Variants in PLD1 observed in about 807,000 individuals in gnomAD.
PLD1 encodes the protein phospholipase D1, also known as choline phosphatase 1.
In PLD1, 112 loss-of-function variants were observed where a neutral mutation model predicts 137.1. The observed-to-expected ratio is 0.82, with a 90% CI of 0.70 to 0.96. The LOEUF is 0.96. Ranked by LOEUF, PLD1 falls within the 40% of genes least tolerant of loss-of-function variation. The pLI is 0.00. For missense variants in PLD1, 1,321 were observed against 1,342.0 expected (o/e 0.98, Z 0.24); for synonymous variants, 431 against 454.7 (o/e 0.95, Z 0.66).
chr3:171,604,476 C>A (rs1398794947), intron 26 of PLD1, among the ~76,000 whole-genome samples: 1 of 151,814 alleles, frequency 6.6e-6, no homozygotes, highest in East Asian at 1.9e-4. Context: ...ACGTCTGTCC[C>A]TGGAAGTCAT....
chr3:171,806,246 G>C (rs115994463), intron 1 of PLD1, among the ~76,000 whole-genome samples: 27 of 151,782 alleles, frequency 1.8e-4, no homozygotes, highest in African/African-American at 6.5e-4. Flanking sequence ...TTTCACAACA[G>C]AAAAAAAACA....
intron 21 of PLD1, among the ~76,000 whole-genome samples, chr3:171,652,483 A>G (rs1736865123): frequency 6.6e-6 from 1 of 151,882 alleles, no homozygotes; most frequent in Admixed American, 6.6e-5. Context: ...CAAGCCCAAC[A>G]TGTCTTTTCA....
intron 11 of PLD1, 47 bp downstream of exon 11, chr3:171,708,708 T>G: frequency 1.0e-6 from 1 of 983,632 alleles, no homozygotes; most frequent in Non-Finnish European, 1.7e-6. Flanking sequence ...TGTACATTTC[T>G]AAACATAGAG....
chr3:171,800,530 A>G (rs1330329057), intron 1 of PLD1, among the ~76,000 whole-genome samples: 5 of 152,166 alleles, frequency 3.3e-5, no homozygotes, highest in Admixed American at 2.6e-4. Flanking sequence ...TTTAAAAGGC[A>G]AATATACAAT....
chr3:171,686,566 G>A (rs549126580), intron 16 of PLD1, 119 bp downstream of exon 16: 30 of 657,458 alleles, frequency 4.6e-5, no homozygotes, highest in Middle Eastern at 2.6e-4. Flanking sequence ...AATAATATAC[G>A]TAGCATAAAA....
intron 23 of PLD1, among the ~76,000 whole-genome samples, chr3:171,629,369 A>G (rs1488257415): frequency 6.6e-6 from 1 of 152,236 alleles, no homozygotes; most frequent in African/African-American, 2.4e-5. Context: ...AAGAGGATAC[A>G]AAGAAATGGA....
intron 1 of PLD1, chr3:171,788,622 A>G (rs1401487258): frequency 6.6e-6 from 1 of 152,224 alleles, no homozygotes; most frequent in Admixed American, 6.5e-5. Flanking sequence ...GAATTGTTTA[A>G]AAACTTTTCA....
At chr3:171,691,396 T>C (rs1358698932) in intron 13 of PLD1, among the ~76,000 whole-genome samples, 1 of 150,514 alleles carries the variant, frequency 6.6e-6, no homozygotes, top group African/African-American at 2.4e-5. Flanking sequence ...ATTTCCTGCA[T>C]TACTGTCTTG....
intron 1 of PLD1, among the ~76,000 whole-genome samples, chr3:171,755,713 T>C (rs1720977280): frequency 6.6e-6 from 1 of 152,180 alleles, no homozygotes; most frequent in Admixed American, 6.5e-5. Context: ...CCTAAAAGAC[T>C]GGGAGCTCCC....
chr3:171,659,714 C>CT (rs1223574185), intron 20 of PLD1, among the ~76,000 whole-genome samples: 11 of 152,226 alleles, frequency 7.2e-5, no homozygotes, highest in African/African-American at 1.4e-4. Context: ...GCTAAGCTTG[C>CT]TTTTTTAACA....
intron 1 of PLD1, among the ~76,000 whole-genome samples, chr3:171,766,550 C>G (rs1218923948): frequency 6.6e-6 from 1 of 152,140 alleles, no homozygotes; most frequent in African/African-American, 2.4e-5. Context: ...TATCTATCAT[C>G]ACCATTTCCT....
intron 1 of PLD1, among the ~76,000 whole-genome samples, chr3:171,746,861 A>T (rs6445025): frequency 2.6e-5 from 4 of 152,096 alleles, no homozygotes; most frequent in African/African-American, 9.7e-5. Context: ...ACTGGCAACC[A>T]GCTGGGGCCC....
At chr3:171,625,071 A>C (rs1320467629) in intron 23 of PLD1, among the ~76,000 whole-genome samples, 1 of 152,002 alleles carries the variant, frequency 6.6e-6, no homozygotes, top group Non-Finnish European at 1.5e-5. Flanking sequence ...TAAAAAAAAA[A>C]CAAAACCCTG....
chr3:171,689,503 C>T (rs986128707), intron 13 of PLD1, among the ~76,000 whole-genome samples: 11 of 150,950 alleles, frequency 7.3e-5, no homozygotes, highest in Non-Finnish European at 1.5e-4. Flanking sequence ...TCCTTCCTTC[C>T]TTCCTTCCTT....
chr3:171,746,721 T>C (rs905723908), intron 1 of PLD1, among the ~76,000 whole-genome samples: 1 of 152,198 alleles, frequency 6.6e-6, no homozygotes, highest in African/African-American at 2.4e-5. Flanking sequence ...AATGCACCAA[T>C]CAGCACCCTG....
At chr3:171,709,978 TAAAG>T (rs1717016872) in intron 9 of PLD1, among the ~76,000 whole-genome samples, 1 of 152,216 alleles carries the variant, frequency 6.6e-6, no homozygotes, top group African/African-American at 2.4e-5. Flanking sequence ...ATGAGGAGGA[TAAAG>T]AAAGAGGGGT....
intron 1 of PLD1, among the ~76,000 whole-genome samples, chr3:171,766,667 T>C (rs2108322289): frequency 1.3e-5 from 2 of 152,326 alleles, no homozygotes; most frequent in East Asian, 3.9e-4. Context: ...TAAATAATGC[T>C]TCAATTAACA....
intron 23 of PLD1, among the ~76,000 whole-genome samples, chr3:171,640,893 C>CT (rs1735677217): frequency 1.3e-5 from 2 of 152,224 alleles, no homozygotes; most frequent in Non-Finnish European, 2.9e-5. Flanking sequence ...ACTGTTACTG[C>CT]CTCTTCAGTC....
At chr3:171,671,037 C>A (rs1182643636) in intron 19 of PLD1, among the ~76,000 whole-genome samples, 2 of 152,054 alleles carry the variant, frequency 1.3e-5, no homozygotes, top group Non-Finnish European at 2.9e-5. Flanking sequence ...AGATTCATAC[C>A]AAACATAAGT....
Sources: gnomAD v4.1 joint callset for allele counts (sites outside exome capture counted in the v4.1 genomes callset) on GRCh38, gnomAD v4.1.1 for gene constraint, MANE v1.5 for transcripts, NCBI Gene and HGNC (gene_info 2026-07-23, HGNC 2026-07-21) for gene names.